Variants in PDE1A observed in about 807,000 individuals in gnomAD.
PDE1A encodes the protein phosphodiesterase 1A, also known as dual specificity calcium/calmodulin-dependent 3',5'-cyclic nucleotide phosphodiesterase 1A.
Under a neutral mutation model 61.7 loss-of-function variants are expected in PDE1A, and 35 were observed. That is an observed-to-expected ratio of 0.57 (90% CI 0.43 to 0.75). The LOEUF is 0.75. PDE1A is among the 30% of genes least tolerant of loss of function. The pLI is 0.00. For missense variants in PDE1A, 597 were observed against 630.6 expected, an observed-to-expected ratio of 0.95 and a Z score of 0.57; for synonymous variants, 232 against 213.2, an observed-to-expected ratio of 1.09 and a Z score of -0.77.
At chr2:182,704,223 A>C in the PDE1A span, among the ~76,000 whole-genome samples, 1 of 150,470 alleles carries the variant, frequency 6.6e-6, no homozygotes, top group Non-Finnish European at 1.5e-5. Flanking sequence ...AAAAAAAAAA[A>C]AACAAAAAAA....
intron 7 of PDE1A, among the ~76,000 whole-genome samples, chr2:182,208,748 G>T (rs1302404513): frequency 2.6e-5 from 4 of 152,208 alleles, no homozygotes; most frequent in Non-Finnish European, 5.9e-5. Flanking sequence ...GAGTCAAAAA[G>T]ATTATTTGGG....
intron 1 of PDE1A, among the ~76,000 whole-genome samples, chr2:182,413,115 C>T (rs552426147): frequency 9.2e-5 from 14 of 152,022 alleles, no homozygotes; most frequent in Admixed American, 8.5e-4. Context: ...ATAAGTCACC[C>T]AGAATGACCG....
intron 10 of PDE1A, among the ~76,000 whole-genome samples, chr2:182,198,421 C>A (rs1686320635): frequency 6.6e-6 from 1 of 151,726 alleles, no homozygotes; most frequent in Non-Finnish European, 1.5e-5. Flanking sequence ...GGTAAGAGTA[C>A]CTATAATGAT....
At chr2:182,421,701 T>A (rs188049844) in intron 1 of PDE1A, among the ~76,000 whole-genome samples, 1 of 152,316 alleles carries the variant, frequency 6.6e-6, no homozygotes, top group Non-Finnish European at 1.5e-5. Context: ...GCTACTTTTA[T>A]CACAACTGGA....
chr2:182,177,437 T>G (rs925860458), intron 13 of PDE1A, among the ~76,000 whole-genome samples: 1 of 152,052 alleles, frequency 6.6e-6, no homozygotes, highest in African/African-American at 2.4e-5. Flanking sequence ...GTCAAGGAAT[T>G]TATCCATTTC....
chr2:182,293,661 T>A (rs1694686827), intron 1 of PDE1A, among the ~76,000 whole-genome samples: 1 of 152,196 alleles, frequency 6.6e-6, no homozygotes, highest in Non-Finnish European at 1.5e-5. Flanking sequence ...ACAGCCTACA[T>A]GTGATGACAT....
chr2:182,351,135 C>T (rs1698850984), intron 1 of PDE1A, among the ~76,000 whole-genome samples: 1 of 152,224 alleles, frequency 6.6e-6, no homozygotes, highest in African/African-American at 2.4e-5. Context: ...CAGACCCTGT[C>T]TTCTAGGGAC....
At chr2:182,251,318 T>G (rs1691385276) in intron 2 of PDE1A, among the ~76,000 whole-genome samples, 1 of 152,174 alleles carries the variant, frequency 6.6e-6, no homozygotes, top group Non-Finnish European at 1.5e-5. Context: ...GTTATCTCAT[T>G]TACAACTTGG....
chr2:182,313,918 T>C (rs1696162525), intron 1 of PDE1A, among the ~76,000 whole-genome samples: 1 of 152,170 alleles, frequency 6.6e-6, no homozygotes, highest in Non-Finnish European at 1.5e-5. Flanking sequence ...GTAGAGCAAC[T>C]TGAAACATAC....
chr2:182,671,621 CTTT>C, the PDE1A span, among the ~76,000 whole-genome samples: 5 of 124,302 alleles, frequency 4.0e-5, no homozygotes, highest in Admixed American at 8.5e-5. Flanking sequence ...CTTTCTTTTT[CTTT>C]TTTTTTTTTT....
At chr2:182,486,690 T>A (rs1688044792) in intron 2 of PDE1A, among the ~76,000 whole-genome samples, 1 of 152,112 alleles carries the variant, frequency 6.6e-6, no homozygotes, top group South Asian at 2.1e-4. Context: ...AAATGGATGA[T>A]CTTTTCAACA....
intron 1 of PDE1A, among the ~76,000 whole-genome samples, chr2:182,370,984 G>C (rs1342188142): frequency 6.6e-6 from 1 of 152,122 alleles, no homozygotes; most frequent in Admixed American, 6.5e-5. Flanking sequence ...TACAGCAAAA[G>C]AGGAGGAGGA....
At chr2:182,641,364 G>T in the PDE1A span, among the ~76,000 whole-genome samples, 2 of 152,130 alleles carry the variant, frequency 1.3e-5, no homozygotes, top group East Asian at 3.9e-4. Context: ...TTAAAAACTA[G>T]GCCAATTTTT....
intron 1 of PDE1A, among the ~76,000 whole-genome samples, chr2:182,379,670 G>A (rs530461390): frequency 6.6e-5 from 10 of 152,274 alleles, no homozygotes; most frequent in Non-Finnish European, 1.3e-4. Flanking sequence ...AATGTTAACA[G>A]GATTGTCCTC....
intron 7 of PDE1A, among the ~76,000 whole-genome samples, chr2:182,218,656 T>G (rs1688450776): frequency 1.3e-5 from 2 of 152,094 alleles, no homozygotes; most frequent in African/African-American, 4.8e-5. Flanking sequence ...TAGTTGGAGT[T>G]TATATCATAA....
chr2:182,655,454 A>T, the PDE1A span, among the ~76,000 whole-genome samples: 3 of 152,186 alleles, frequency 2.0e-5, no homozygotes, highest in Admixed American at 2.0e-4. Flanking sequence ...CCCCTGGCTA[A>T]TGGCCACAAG....
chr2:182,564,174 A>G, the PDE1A span, among the ~76,000 whole-genome samples: 1 of 151,896 alleles, frequency 6.6e-6, no homozygotes. Flanking sequence ...ATTTGGCATG[A>G]TTTTGCAGTG....
chr2:182,501,186 A>G (rs1296148004), intron 2 of PDE1A, among the ~76,000 whole-genome samples: 1 of 152,206 alleles, frequency 6.6e-6, no homozygotes, highest in Non-Finnish European at 1.5e-5. Context: ...ATAGTGACAT[A>G]ATCATCACAT....
At chr2:182,359,280 C>G (rs985343425) in intron 1 of PDE1A, among the ~76,000 whole-genome samples, 1 of 152,144 alleles carries the variant, frequency 6.6e-6, no homozygotes, top group African/African-American at 2.4e-5. Context: ...TCTTTCAGAG[C>G]ACACTAACTC....
Sources: allele counts gnomAD v4.1 joint callset (sites outside exome capture counted in the v4.1 genomes callset), GRCh38; gene constraint gnomAD v4.1.1; transcripts MANE v1.5; gene names NCBI Gene and HGNC (gene_info 2026-07-23, HGNC 2026-07-21).